Variants in SOX6 observed in about 807,000 individuals in gnomAD.
The protein encoded by SOX6 is SRY-box transcription factor 6.
SOX6 carries 11 observed loss-of-function variants against 97.8 expected under a neutral mutation model. The ratio of observed to expected loss-of-function variants is 0.11; its 90% confidence interval spans 0.07 to 0.19. SOX6 has a LOEUF of 0.19. Ranked by LOEUF, SOX6 falls within the 10% of genes least tolerant of loss-of-function variation. The probability of loss-of-function intolerance (pLI) is 1.00; values close to 1 mark genes in which losing one functional copy is unlikely to be tolerated. For synonymous variants in SOX6, 360 were observed against 371.4 expected (o/e 0.97, Z 0.35); for missense variants, 810 against 1,039.5 (o/e 0.78, Z 3.04).
Position 16,560,525 on chromosome 11 carries a change from GTA to G in SOX6, n.609+51554_609+51555del, listed in dbSNP as rs1335709930. On this transcript the variant is annotated intron_variant and non_coding_transcript_variant, in intron 4 of 5. Coordinates refer to the SOX6 transcript ENST00000524520. The stretch of plus-strand genomic sequence containing the variant: ...TTTATACGTACATATATGTTTATAC[GTA>G]CATATATGTTTATACGTACATATGT... Among the ~76,000 whole-genome samples, 12 of 116,502 alleles carry G rather than the reference GTA, an allele frequency of 1.0e-4. No homozygotes were observed. The South Asian group carries it at 1.4e-3, about 14-fold the overall frequency. 76.4% of individuals were successfully genotyped at this position (116,502 alleles called of 152,430 possible).
chr11:16,220,368 A>G (rs955175506), intron 4 of SOX6, among the ~76,000 whole-genome samples: 1 of 152,066 alleles, frequency 6.6e-6, no homozygotes, highest in Non-Finnish European at 1.5e-5. Flanking sequence ...GAGGCATATA[A>G]TAGCTAAACT....
intron 3 of SOX6, among the ~76,000 whole-genome samples, chr11:16,645,310 A>G (rs184321456): frequency 1.6e-4 from 24 of 152,356 alleles, no homozygotes; most frequent in African/African-American, 5.8e-4. Context: ...TTTCACCACT[A>G]CAAAACATGT....
chr11:16,729,143 T>C (rs548094906), intron 2 of SOX6, among the ~76,000 whole-genome samples: 24 of 152,272 alleles, frequency 1.6e-4, no homozygotes, highest in African/African-American at 5.3e-4. Flanking sequence ...TGGAACCAAG[T>C]TGGAAAACAC....
At chr11:16,034,780 C>T (rs757520888) in intron 12 of SOX6, among the ~76,000 whole-genome samples, 16 of 152,126 alleles carry the variant, frequency 1.1e-4, no homozygotes, top group Non-Finnish European at 1.9e-4. Flanking sequence ...GACAGACATA[C>T]AGATTCAGAG....
intron 4 of SOX6, among the ~76,000 whole-genome samples, chr11:16,514,207 C>T (rs1401247469): frequency 7.0e-6 from 1 of 142,030 alleles, no homozygotes; most frequent in Non-Finnish European, 1.5e-5. Flanking sequence ...CAGCGCAAGT[C>T]CCTGGCTCAA....
chr11:16,364,010 T>C (rs1345669908), intron 1 of SOX6, among the ~76,000 whole-genome samples: 1 of 152,188 alleles, frequency 6.6e-6, no homozygotes. Context: ...TGGTAGGAAC[T>C]ACTTGTTCAA....
chr11:16,479,521 C>T (rs1860307395), upstream of SOX6, among the ~76,000 whole-genome samples: 1 of 144,730 alleles, frequency 6.9e-6, no homozygotes. Context: ...CGGAGTGAGA[C>T]TCTGTCTTAA....
At chr11:16,721,900 C>G (rs1469176874) in intron 2 of SOX6, among the ~76,000 whole-genome samples, 3 of 151,914 alleles carry the variant, frequency 2.0e-5, no homozygotes, top group Admixed American at 6.6e-5. Flanking sequence ...CTACAACCAT[C>G]TGACCTTTGA....
intron 4 of SOX6, among the ~76,000 whole-genome samples, chr11:16,493,080 A>C (rs1310988825): frequency 6.6e-6 from 1 of 152,184 alleles, no homozygotes; most frequent in African/African-American, 2.4e-5. Flanking sequence ...AAAATACCAC[A>C]TCCTATCATC....
rs139265520 is a variant in SOX6 at position 16,302,821 on chromosome 11, C to T, written c.445+15625G>A. Among the ~76,000 whole-genome samples, 889 of 152,162 alleles carry T rather than the reference C, an allele frequency of 5.8e-3. 14 individuals carry two copies. The highest frequency in any genetic ancestry group is 0.02 in the African/African-American group (847 of 41,530). ...CTGAACTCAAGTGATCCACCTGCCTCGGTCTCCCAAAGTGCTGGGATTACA... is the reference window on the plus strand; with the variant it reads ...CTGAACTCAAGTGATCCACCTGCCTTGGTCTCCCAAAGTGCTGGGATTACA... On this transcript the variant is annotated intron_variant, in intron 3 of 15. Transcript: ENST00000683767.
At chr11:16,585,279 T>C (rs1462337487) in intron 4 of SOX6, among the ~76,000 whole-genome samples, 1 of 152,240 alleles carries the variant, frequency 6.6e-6, no homozygotes, top group Admixed American at 6.5e-5. Flanking sequence ...ATTCTTCTTT[T>C]AAAGACATTT....
At chr11:16,569,633 C>T (rs1315157118) in intron 4 of SOX6, among the ~76,000 whole-genome samples, 5 of 151,936 alleles carry the variant, frequency 3.3e-5, no homozygotes, top group Non-Finnish European at 1.5e-5. Context: ...ATAAATGAGA[C>T]TATTAAAATG....
At chr11:16,143,597 C>T (rs1244800185) in intron 6 of SOX6, among the ~76,000 whole-genome samples, 3 of 152,122 alleles carry the variant, frequency 2.0e-5, no homozygotes, top group Non-Finnish European at 4.4e-5. Context: ...GTGCTGTATT[C>T]AGGAGACCCA....
intron 8 of SOX6, 128 bp from the exon 9 acceptor site, chr11:16,096,246 A>G: frequency 8.6e-7 from 1 of 1,168,128 alleles, no homozygotes; most frequent in East Asian, 2.5e-5. Flanking sequence ...AAAGTTTAAG[A>G]CTCAGTTTCT....
chr11:16,395,186 G>A (rs959375317), intron 1 of SOX6, among the ~76,000 whole-genome samples: 6 of 151,774 alleles, frequency 4.0e-5, no homozygotes, highest in Admixed American at 2.0e-4. Context: ...AAGACCGTGT[G>A]TGCTACATGC....
At chr11:16,133,911 T>A (rs1849887474) in intron 6 of SOX6, among the ~76,000 whole-genome samples, 1 of 152,304 alleles carries the variant, frequency 6.6e-6, no homozygotes, top group Non-Finnish European at 1.5e-5. Context: ...GGTCCCGAAC[T>A]CCTGACCTCA....
intron 6 of SOX6, among the ~76,000 whole-genome samples, chr11:16,156,983 T>C (rs1850620303): frequency 6.6e-6 from 1 of 152,078 alleles, no homozygotes; most frequent in African/African-American, 2.4e-5. Flanking sequence ...CCTTAGTGTA[T>C]TATCACTGCT....
intron 9 of SOX6, among the ~76,000 whole-genome samples, chr11:16,066,170 C>T (rs1848089133): frequency 6.6e-6 from 1 of 152,182 alleles, no homozygotes; most frequent in Middle Eastern, 3.2e-3. Flanking sequence ...AGTTGCTCAA[C>T]ATCACTAGTC....
At chr11:16,729,528 C>T (rs1233072354) in intron 2 of SOX6, among the ~76,000 whole-genome samples, 1 of 152,264 alleles carries the variant, frequency 6.6e-6, no homozygotes, top group African/African-American at 2.4e-5. Flanking sequence ...GAAGCAAATG[C>T]TGAGAGATTT....
Sources: allele counts gnomAD v4.1 joint callset (sites outside exome capture counted in the v4.1 genomes callset), GRCh38; gene constraint gnomAD v4.1.1; transcripts MANE v1.5; gene names NCBI Gene and HGNC (gene_info 2026-07-23, HGNC 2026-07-21).